RTN1: variants seen among roughly 807,000 people sequenced by gnomAD.
RTN1 encodes the protein reticulon-1.
In RTN1, 25 loss-of-function variants were observed where a neutral mutation model predicts 65.5. The ratio of observed to expected loss-of-function variants is 0.38; its 90% CI spans 0.28 to 0.53. The LOEUF (loss-of-function observed/expected upper bound fraction) is 0.53, where lower values mean the gene tolerates loss of function less well. Among genes scored for constraint, RTN1 ranks in the 20% least tolerant of loss-of-function variants. The pLI is 0.79. For missense variants in RTN1, 983 were observed against 1,025.4 expected (o/e 0.96, Z 0.57); for synonymous variants, 471 against 447.6 (o/e 1.05, Z -0.66).
chr14:59,796,123 A>G (rs114442558), intron 1 of RTN1, among the ~76,000 whole-genome samples: 1,900 of 152,254 alleles, frequency 0.012, 36 homozygotes, highest in African/African-American at 0.043. Flanking sequence ...TTATAATACC[A>G]TGTTTTTAAC....
intron 1 of RTN1, among the ~76,000 whole-genome samples, chr14:59,764,251 G>A (rs1259921694): frequency 6.6e-6 from 1 of 152,134 alleles, no homozygotes; most frequent in Non-Finnish European, 1.5e-5. Flanking sequence ...GGAACAAGCA[G>A]TCCAAAAACA....
At position 59,805,957 on chromosome 14, in the gene RTN1, G is replaced by A. The variant is rs559128876; in HGVS notation, c.242-59476C>T. 6.2e-4 allele frequency among the ~76,000 whole-genome samples: 95 copies of A among 152,218 alleles called. 1 individual carries two copies. In the South Asian group the frequency reaches 0.018, roughly 30 times the overall value. ...AATTGCAAACATAAATAATTATATG[G>A]CTGGGCACTGTGGCTCATGCTTGTA... On this transcript the variant is annotated intron_variant, in intron 1 of 8. Coordinates refer to ENST00000267484, the MANE Select transcript of RTN1 (RefSeq NM_021136.3).
intron 1 of RTN1, among the ~76,000 whole-genome samples, chr14:59,865,803 A>C (rs941698610): frequency 1.3e-5 from 2 of 152,162 alleles, no homozygotes; most frequent in East Asian, 3.8e-4. Flanking sequence ...CTTAGTCACC[A>C]CTGAAATAAT....
At chr14:59,687,649 A>T (rs916030072) in intron 3 of RTN1, among the ~76,000 whole-genome samples, 7 of 151,056 alleles carry the variant, frequency 4.6e-5, no homozygotes, top group Non-Finnish European at 7.4e-5. Flanking sequence ...TGCAGACACA[A>T]GTTCAAAGAG....
chr14:59,751,459 C>T (rs1359094403), intron 1 of RTN1, among the ~76,000 whole-genome samples: 1 of 152,080 alleles, frequency 6.6e-6, no homozygotes, highest in Admixed American at 6.6e-5. Flanking sequence ...ATAGATATTT[C>T]ACTACAGATA....
chr14:59,740,207 T>C (rs529075217), intron 2 of RTN1, among the ~76,000 whole-genome samples: 2 of 152,228 alleles, frequency 1.3e-5, no homozygotes, highest in African/African-American at 2.4e-5. Flanking sequence ...GCACAGTGCC[T>C]GGCACACCGG....
intron 1 of RTN1, among the ~76,000 whole-genome samples, chr14:59,822,925 G>A (rs540094329): frequency 3.3e-5 from 5 of 151,896 alleles, no homozygotes; most frequent in Non-Finnish European, 7.4e-5. Flanking sequence ...GGCCAAGGGT[G>A]TGGTCCATCT....
chr14:59,606,407 C>T (rs182666665), intron 4 of RTN1, among the ~76,000 whole-genome samples: 32 of 152,074 alleles, frequency 2.1e-4, no homozygotes, highest in African/African-American at 7.5e-4. Context: ...GGAGGTGGGG[C>T]CTTGTGGGGG....
At position 59,708,917 on chromosome 14, in the gene RTN1, C is replaced by A. The variant is rs1884356785; in HGVS notation, c.1765+18002G>T. Among the ~76,000 whole-genome samples, 6 of 152,170 alleles carry A rather than the reference C, an allele frequency of 3.9e-5. No homozygotes were observed. The South Asian group carries it at 1.0e-3, about 26-fold the overall frequency. On this transcript the variant is annotated intron_variant, in intron 3 of 8. Coordinates refer to ENST00000267484, the MANE Select transcript of RTN1 (RefSeq NM_021136.3). ...TCGCATACTATACAGACTGAGAGAA[C>A]TTTCTACTGCTCCATATTCTTATTA...
chr14:59,660,657 G>A (rs1461561045), intron 3 of RTN1, among the ~76,000 whole-genome samples: 2 of 152,060 alleles, frequency 1.3e-5, no homozygotes, highest in African/African-American at 4.8e-5. Context: ...ATGAAATTAA[G>A]GAAGAAATAA....
chr14:59,827,425 T>C (rs1352539986), intron 1 of RTN1, among the ~76,000 whole-genome samples: 1 of 152,136 alleles, frequency 6.6e-6, no homozygotes, highest in Non-Finnish European at 1.5e-5. Flanking sequence ...CTTGGGTTCA[T>C]TTTCTCACTG....
intron 3 of RTN1, among the ~76,000 whole-genome samples, chr14:59,620,741 G>C (rs1306982470): frequency 6.6e-6 from 1 of 152,192 alleles, no homozygotes; most frequent in East Asian, 1.9e-4. Flanking sequence ...TTAAAGTCAA[G>C]GGTTTCTTGG....
At chr14:59,632,615 C>T (rs1658589061) in intron 3 of RTN1, among the ~76,000 whole-genome samples, 2 of 152,220 alleles carry the variant, frequency 1.3e-5, no homozygotes, top group South Asian at 4.2e-4. Context: ...CAGCAGGTAC[C>T]TTTACTGATG....
intron 3 of RTN1, among the ~76,000 whole-genome samples, 200 bp downstream of exon 3, chr14:59,726,719 G>T (rs1258897278): frequency 6.6e-6 from 1 of 152,114 alleles, no homozygotes; most frequent in East Asian, 1.9e-4. Context: ...CCCTGAGCAC[G>T]CGGTTCTGCC....
At chr14:59,705,975 G>A (rs1566691996) in intron 3 of RTN1, among the ~76,000 whole-genome samples, 2 of 152,090 alleles carry the variant, frequency 1.3e-5, no homozygotes, top group South Asian at 2.1e-4. Context: ...CACAGAAAGC[G>A]GCTCTCTCTG....
At chr14:59,724,201 G>A (rs747873195) in intron 3 of RTN1, among the ~76,000 whole-genome samples, 18 of 152,154 alleles carry the variant, frequency 1.2e-4, no homozygotes, top group Non-Finnish European at 2.1e-4. Context: ...AAAGAACTGC[G>A]TTTTGTCTCC....
intron 3 of RTN1, among the ~76,000 whole-genome samples, chr14:59,628,967 T>C (rs1882473088): frequency 6.6e-6 from 1 of 152,226 alleles, no homozygotes; most frequent in South Asian, 2.1e-4. Context: ...CCAACTAAAT[T>C]TGATCTTATA....
chr14:59,738,123 A>C (rs1252132468), intron 2 of RTN1, among the ~76,000 whole-genome samples: 1 of 152,228 alleles, frequency 6.6e-6, no homozygotes, highest in Non-Finnish European at 1.5e-5. Context: ...TTACAAAGAC[A>C]CCAACAGCAA....
At chr14:59,817,339 G>A (rs1886840695) in intron 1 of RTN1, among the ~76,000 whole-genome samples, 1 of 152,136 alleles carries the variant, frequency 6.6e-6, no homozygotes, top group Admixed American at 6.5e-5. Flanking sequence ...TTGATAGGGG[G>A]AAAACTGCAT....
Sources: gnomAD v4.1 joint callset for allele counts (sites outside exome capture counted in the v4.1 genomes callset) on GRCh38, gnomAD v4.1.1 for gene constraint, MANE v1.5 for transcripts, NCBI Gene and HGNC (gene_info 2026-07-23, HGNC 2026-07-21) for gene names.